DCC: variants seen among roughly 807,000 people sequenced by gnomAD.
DCC encodes DCC netrin 1 receptor, also known as netrin receptor DCC.
In DCC, 58 loss-of-function variants were observed where a neutral mutation model predicts 172.5. The observed-to-expected ratio is 0.34, with a 90% confidence interval of 0.27 to 0.42. The LOEUF is 0.42. Ranked by LOEUF, DCC falls within the 10% of genes least tolerant of loss-of-function variation. The pLI, the probability that DCC is intolerant of heterozygous loss-of-function variation, is 1.00. For synonymous variants in DCC, 709 were observed against 644.5 expected (o/e 1.10, Z -1.52); for missense variants, 1,740 against 1,791.0 (o/e 0.97, Z 0.51).
intron 2 of DCC, among the ~76,000 whole-genome samples, chr18:52,888,523 G>C (rs1272831972): frequency 6.6e-6 from 1 of 151,956 alleles, no homozygotes; most frequent in Non-Finnish European, 1.5e-5. Flanking sequence ...AAGAACCCAA[G>C]TCAGCTTATT....
At chr18:52,741,408 T>C (rs2036820059) in intron 1 of DCC, among the ~76,000 whole-genome samples, 1 of 152,142 alleles carries the variant, frequency 6.6e-6, no homozygotes, top group Non-Finnish European at 1.5e-5. Context: ...TCCTCATCAC[T>C]ACTGATGTTT....
At chr18:52,939,573 CAG>C (rs1425054576) in intron 5 of DCC, among the ~76,000 whole-genome samples, 2 of 152,144 alleles carry the variant, frequency 1.3e-5, no homozygotes, top group Non-Finnish European at 2.9e-5. Flanking sequence ...GTTTTCATAA[CAG>C]ACATTTATTG....
At chr18:52,417,794 T>C (rs1049440576) in intron 1 of DCC, among the ~76,000 whole-genome samples, 9 of 152,224 alleles carry the variant, frequency 5.9e-5, no homozygotes, top group Non-Finnish European at 1.3e-4. Flanking sequence ...TCAAAGTTTT[T>C]AACTTCTTTG....
chr18:53,456,094 G>C (rs1018845154), intron 23 of DCC, among the ~76,000 whole-genome samples: 1 of 152,214 alleles, frequency 6.6e-6, no homozygotes, highest in Admixed American at 6.5e-5. Flanking sequence ...ATGCCAAGGT[G>C]AGTGGTACAG....
chr18:52,977,905 A>G lies in DCC; in HGVS notation c.985+52535A>G, dbSNP rs531142132. ...ATCTCAAAAAAAAAAAGAAAAGAAA[A>G]AAGAAAAAGAAAAAAAAAGCATATC... On this transcript the variant is annotated intron_variant, in intron 5 of 28. Transcript: ENST00000442544. 2.0e-4 allele frequency among the ~76,000 whole-genome samples: 28 copies of G among 142,570 alleles called. No homozygotes were observed. The South Asian group carries it at 6.2e-3, about 32-fold the overall frequency. The allele number at this position is 142,570 out of a possible 152,430, so 93.5% of individuals were successfully genotyped here.
At chr18:52,927,168 T>TATATACGTGTATATAC (rs1555682869) in intron 5 of DCC, among the ~76,000 whole-genome samples, 3 of 82,452 alleles carry the variant, frequency 3.6e-5, no homozygotes, top group South Asian at 3.5e-4. Context: ...CGTATATATG[T>TATATACGTGTATATAC]GTATATATGT....
At chr18:53,496,386 TAACA>T (rs1228844775) in intron 26 of DCC, among the ~76,000 whole-genome samples, 2 of 152,144 alleles carry the variant, frequency 1.3e-5, no homozygotes, top group Non-Finnish European at 2.9e-5. Flanking sequence ...GAAGGAAAAC[TAACA>T]AACAGAAAGG....
chr18:53,397,605 TCTC>T (rs768360432), intron 18 of DCC, among the ~76,000 whole-genome samples, 159 bp downstream of exon 18: 2 of 152,278 alleles, frequency 1.3e-5, no homozygotes, highest in Admixed American at 6.5e-5. Context: ...CTAAGAGTAT[TCTC>T]CTCACACTAG....
In DCC at chr18:53,047,884, T is replaced by C. The variant is rs1321318509; in HGVS notation, c.986-15421T>C. 2.7e-5 allele frequency among the ~76,000 whole-genome samples: 4 copies of C among 149,650 alleles called. No individual in the cohort carries two copies. In the East Asian group the frequency reaches 6.0e-4, roughly 22 times the overall value. On this transcript the variant is annotated intron_variant, in intron 5 of 28. Coordinates refer to ENST00000442544, the MANE Select transcript of DCC (RefSeq NM_005215.4). ...ATGAATGGATAGATCTACTATTTTC[T>C]TTTGTGTTTTCCTTCGAGATGTGTG... is the stretch of plus-strand genomic sequence containing the variant.
At chr18:52,849,458 A>T (rs1466404269) in intron 2 of DCC, among the ~76,000 whole-genome samples, 2 of 152,194 alleles carry the variant, frequency 1.3e-5, no homozygotes, top group East Asian at 3.9e-4. Context: ...ACTCATAATC[A>T]TGGATGGGAA....
intron 12 of DCC, among the ~76,000 whole-genome samples, chr18:53,234,962 G>A (rs1002126673): frequency 1.3e-5 from 2 of 151,934 alleles, no homozygotes; most frequent in South Asian, 2.1e-4. Context: ...TGTCACAAAC[G>A]GACAGTCATA....
In DCC at chr18:52,560,214, G is replaced by T. The variant is rs116935116; in HGVS notation, c.92-191840G>T. Among the ~76,000 whole-genome samples the T allele has an allele frequency of 8.3e-3, 1,270 of 152,244 alleles. 6 individuals carry two copies. The highest frequency in any genetic ancestry group is 0.012 in the Non-Finnish European group (828 of 68,022). The stretch of plus-strand genomic sequence containing the variant: ...GCAACTACTCAGTGGTGCCTCTGTC[G>T]CAGGAAAGCAGCCATTAAAAGTATG... On this transcript the variant is annotated intron_variant, in intron 1 of 28. Coordinates refer to ENST00000442544, the MANE Select transcript of DCC (RefSeq NM_005215.4).
chr18:52,402,476 A>G (rs1419783797), intron 1 of DCC, among the ~76,000 whole-genome samples: 3 of 151,998 alleles, frequency 2.0e-5, no homozygotes, highest in African/African-American at 7.2e-5. Context: ...TAAGTGCCCC[A>G]GGAAAGTACC....
chr18:52,906,396 C>A lies in DCC; in HGVS notation c.697+68C>A, dbSNP rs545515861. 2.7e-6 allele frequency: 4 copies of A among 1,496,196 alleles called. No homozygotes were observed. In the East Asian group the frequency reaches 9.1e-5, roughly 34 times the overall value. The allele number at this position is 1,496,196 out of a possible 1,614,324, so 92.7% of individuals were successfully genotyped here. On this transcript the variant is annotated intron_variant, in intron 3 of 28. Coordinates refer to ENST00000442544, the MANE Select transcript of DCC (RefSeq NM_005215.4). ...GAATAAGTTGAAAAACAATTTTTTTCTTTAACAGATATTTGTAATTGTTAT... is the reference window on the plus strand; with the variant it reads ...GAATAAGTTGAAAAACAATTTTTTTATTTAACAGATATTTGTAATTGTTAT...
intron 1 of DCC, among the ~76,000 whole-genome samples, chr18:52,692,367 G>A (rs1472524755): frequency 6.6e-6 from 1 of 152,090 alleles, no homozygotes; most frequent in Non-Finnish European, 1.5e-5. Context: ...CTAAACCTCT[G>A]CCCTATAGAC....
chr18:53,061,200 C>G (rs913611076), intron 5 of DCC, among the ~76,000 whole-genome samples: 1 of 152,040 alleles, frequency 6.6e-6, no homozygotes, highest in Non-Finnish European at 1.5e-5. Context: ...AGATTTAAAT[C>G]CAGCCCAATC....
intron 1 of DCC, among the ~76,000 whole-genome samples, chr18:52,587,561 C>T (rs539247880): frequency 4.6e-5 from 7 of 152,302 alleles, no homozygotes; most frequent in Non-Finnish European, 8.8e-5. Context: ...CTTCCAAGTC[C>T]CTGACTATCC....
intron 2 of DCC, among the ~76,000 whole-genome samples, chr18:52,760,217 G>A (rs1277700116): frequency 2.0e-5 from 3 of 152,176 alleles, no homozygotes; most frequent in Non-Finnish European, 2.9e-5. Context: ...CAGCAGGAAG[G>A]AGAAGAATGA....
rs560424566 is a variant in DCC, at chr18:52,996,275, T to C, written c.986-67030T>C. 9.2e-5 allele frequency among the ~76,000 whole-genome samples: 14 copies of C among 152,102 alleles called. No individual in the cohort carries two copies. In the East Asian group the frequency reaches 2.1e-3, roughly 23 times the overall value. On this transcript the variant is annotated intron_variant, in intron 5 of 28. Coordinates refer to ENST00000442544, the MANE Select transcript of DCC (RefSeq NM_005215.4). ...TATATATTTTTCTCTAATTATATTCTAATTATATTGTTGTTTAAAAGAATG... is the reference window on the plus strand; with the variant it reads ...TATATATTTTTCTCTAATTATATTCCAATTATATTGTTGTTTAAAAGAATG...
Sources: allele counts gnomAD v4.1 joint callset (sites outside exome capture counted in the v4.1 genomes callset), GRCh38; gene constraint gnomAD v4.1.1; transcripts MANE v1.5; gene names NCBI Gene and HGNC (gene_info 2026-07-23, HGNC 2026-07-21).